CRPPA: variants seen among roughly 807,000 people sequenced by gnomAD.
The protein encoded by CRPPA is D-ribitol-5-phosphate cytidylyltransferase.
Under a neutral mutation model 52.0 loss-of-function variants are expected in CRPPA, and 43 were observed. The ratio of observed to expected loss-of-function variants is 0.83; its 90% CI spans 0.65 to 1.07. The LOEUF (loss-of-function observed/expected upper bound fraction) is 1.07, where lower values mean the gene tolerates loss of function less well. CRPPA is among the 50% of genes least tolerant of loss of function. The probability of loss-of-function intolerance (pLI) is 0.00; values close to 1 mark genes in which losing one functional copy is unlikely to be tolerated. For synonymous variants in CRPPA, 250 were observed against 203.5 expected (o/e 1.23, Z -1.94); for missense variants, 629 against 551.7 (o/e 1.14, Z -1.40).
chr7:16,234,766 A>G (rs930059664), intron 8 of CRPPA, among the ~76,000 whole-genome samples: 1 of 152,130 alleles, frequency 6.6e-6, no homozygotes, highest in Admixed American at 6.6e-5. Context: ...ATATCTACAC[A>G]TGCTGACTTC....
intron 2 of CRPPA, among the ~76,000 whole-genome samples, chr7:16,391,176 C>T (rs909921949): frequency 6.6e-6 from 1 of 152,154 alleles, no homozygotes; most frequent in African/African-American, 2.4e-5. Flanking sequence ...GTATTACCCA[C>T]TCCACAGCCT....
chr7:16,163,478 G>C (rs1045873657), intron 9 of CRPPA, among the ~76,000 whole-genome samples: 1 of 152,034 alleles, frequency 6.6e-6, no homozygotes, highest in South Asian at 2.1e-4. Flanking sequence ...CAATTTGCCA[G>C]TCTGTGTCTT....
intron 9 of CRPPA, among the ~76,000 whole-genome samples, chr7:16,181,504 C>T (rs892047283): frequency 2.6e-5 from 4 of 151,872 alleles, no homozygotes; most frequent in African/African-American, 9.7e-5. Context: ...AAATCTCCAG[C>T]TTCAAGGTAT....
intron 9 of CRPPA, among the ~76,000 whole-genome samples, chr7:16,123,437 CAGG>C (rs1782515803): frequency 6.6e-6 from 1 of 152,066 alleles, no homozygotes; most frequent in Non-Finnish European, 1.5e-5. Context: ...TTTGTCATGT[CAGG>C]AAACAAAATC....
chr7:16,400,626 T>G (rs1022490565), intron 2 of CRPPA, among the ~76,000 whole-genome samples: 6 of 152,184 alleles, frequency 3.9e-5, no homozygotes, highest in Admixed American at 2.6e-4. Context: ...CGACATGATG[T>G]GATCGAGTCA....
At chr7:16,362,878 C>T (rs1219336458) in intron 3 of CRPPA, among the ~76,000 whole-genome samples, 1 of 152,040 alleles carries the variant, frequency 6.6e-6, no homozygotes, top group Non-Finnish European at 1.5e-5. Flanking sequence ...CTCAGTTTTT[C>T]TGCTTTTGAT....
Position 16,404,205 on chromosome 7 carries a change from C to A in CRPPA, c.534+1856G>T, listed in dbSNP as rs549311047. Among the ~76,000 whole-genome samples the A allele has an allele frequency of 2.0e-3, 308 of 152,204 alleles. 1 individual carries two copies. The highest frequency in any genetic ancestry group is 0.01 in the Middle Eastern group (3 of 294). On this transcript the variant is annotated intron_variant, in intron 2 of 9. Transcript: ENST00000407010. ...AAAGAAACTGTATTTCTGAGGTTTC[C>A]TTAAACAAGTTGTAAAGTTTTGTTC...
At chr7:16,356,374 T>C (rs1311537398) in intron 3 of CRPPA, among the ~76,000 whole-genome samples, 1 of 152,202 alleles carries the variant, frequency 6.6e-6, no homozygotes, top group Non-Finnish European at 1.5e-5. Context: ...TTCCTGCTCT[T>C]ATAATGACTG....
chr7:16,314,344 G>T (rs1211043785), intron 3 of CRPPA, among the ~76,000 whole-genome samples: 1 of 151,900 alleles, frequency 6.6e-6, no homozygotes, highest in Non-Finnish European at 1.5e-5. Flanking sequence ...TGGTGAATAG[G>T]GCAAGTGTCT....
intron 6 of CRPPA, among the ~76,000 whole-genome samples, chr7:16,274,074 G>C (rs930333115): frequency 6.6e-6 from 1 of 152,136 alleles, no homozygotes; most frequent in Non-Finnish European, 1.5e-5. Context: ...TTTTGAGACG[G>C]AGTCTCGCTC....
intron 9 of CRPPA, among the ~76,000 whole-genome samples, chr7:16,092,952 C>A (rs189537889): frequency 6.6e-6 from 1 of 152,130 alleles, no homozygotes; most frequent in Non-Finnish European, 1.5e-5. Flanking sequence ...AAAGCTTTCC[C>A]ACACCCTTTC....
intron 5 of CRPPA, among the ~76,000 whole-genome samples, chr7:16,295,736 A>G (rs148724986): frequency 4.1e-4 from 63 of 152,210 alleles, no homozygotes; most frequent in Non-Finnish European, 6.5e-4. Flanking sequence ...AAATCTATAT[A>G]AAGTATGTTA....
rs17169268 is a variant in CRPPA, at chr7:16,121,485, A to G, written c.1252-29686T>C. 1.6e-3 allele frequency among the ~76,000 whole-genome samples: 236 copies of G among 152,226 alleles called. No individual in the cohort carries two copies. The East Asian group carries it at 0.021, about 13-fold the overall frequency. Reference sequence around the variant, plus strand: ...TGAGAGAATCAAATCTCTTGGATCAATAATAATAAAAACCTTAACTTGAAA... The same window carrying G: ...TGAGAGAATCAAATCTCTTGGATCAGTAATAATAAAAACCTTAACTTGAAA... On this transcript the variant is annotated intron_variant, in intron 9 of 9. Coordinates refer to ENST00000407010, the MANE Select transcript of CRPPA (RefSeq NM_001101426.4).
At chr7:16,402,924 T>C (rs1787857271) in intron 2 of CRPPA, among the ~76,000 whole-genome samples, 1 of 152,188 alleles carries the variant, frequency 6.6e-6, no homozygotes, top group Non-Finnish European at 1.5e-5. Flanking sequence ...TATGAATCAA[T>C]GTTCATAAAG....
chr7:16,396,563 C>T (rs1191241800), intron 2 of CRPPA, among the ~76,000 whole-genome samples: 1 of 152,174 alleles, frequency 6.6e-6, no homozygotes, highest in African/African-American at 2.4e-5. Context: ...TCCAGCAATC[C>T]CACTACTGGG....
At chr7:16,192,224 A>G (rs1781629393) in intron 9 of CRPPA, among the ~76,000 whole-genome samples, 1 of 152,060 alleles carries the variant, frequency 6.6e-6, no homozygotes, top group Admixed American at 6.6e-5. Flanking sequence ...TCTCTGCTAG[A>G]TGCTTACTGT....
chr7:16,209,432 C>G (rs181682509), intron 9 of CRPPA, among the ~76,000 whole-genome samples: 1 of 151,834 alleles, frequency 6.6e-6, no homozygotes, highest in Non-Finnish European at 1.5e-5. Context: ...CCACCACAAT[C>G]GGCTAATTTT....
At chr7:16,355,647 G>C (rs1010021305) in intron 3 of CRPPA, among the ~76,000 whole-genome samples, 1 of 152,174 alleles carries the variant, frequency 6.6e-6, no homozygotes, top group Non-Finnish European at 1.5e-5. Flanking sequence ...TAAAGTCTGT[G>C]ACCATTACTG....
At chr7:16,251,725 G>A (rs767387090) in intron 8 of CRPPA, among the ~76,000 whole-genome samples, 2 of 152,156 alleles carry the variant, frequency 1.3e-5, no homozygotes, top group Admixed American at 6.5e-5. Flanking sequence ...CATATTTAAA[G>A]CAGTGTGTAG....
Sources: allele counts gnomAD v4.1 joint callset (sites outside exome capture counted in the v4.1 genomes callset), GRCh38; gene constraint gnomAD v4.1.1; transcripts MANE v1.5; gene names NCBI Gene and HGNC (gene_info 2026-07-23, HGNC 2026-07-21).